NOSTRIN: variants seen among roughly 807,000 people sequenced by gnomAD.
NOSTRIN encodes nitric oxide synthase trafficking.
A neutral mutation model predicts 59.0 loss-of-function variants in NOSTRIN; 63 were observed. The ratio of observed to expected loss-of-function variants is 1.07; its 90% CI spans 0.87 to 1.32. The LOEUF (loss-of-function observed/expected upper bound fraction) is 1.32. NOSTRIN is among the 40% of genes most tolerant of loss of function. The pLI is 0.00. For missense variants in NOSTRIN, 512 were observed against 473.1 expected (o/e 1.08, Z -0.76); for synonymous variants, 200 against 165.4 (o/e 1.21, Z -1.61).
At chr2:168,837,288 C>G (rs956648813) in intron 7 of NOSTRIN, among the ~76,000 whole-genome samples, 3 of 118,290 alleles carry the variant, frequency 2.5e-5, no homozygotes, top group African/African-American at 8.9e-5. Flanking sequence ...TTATAATACA[C>G]TTTTTTAACA....
intron 8 of NOSTRIN, among the ~76,000 whole-genome samples, chr2:168,849,129 C>G (rs1574323049): frequency 1.3e-5 from 2 of 152,246 alleles, no homozygotes; most frequent in East Asian, 3.9e-4. Flanking sequence ...TCTCCATTCT[C>G]ACCTCTCTTG....
chr2:168,817,108 A>G (rs2433679), intron 2 of NOSTRIN, among the ~76,000 whole-genome samples: 11,194 of 152,328 alleles, frequency 0.073, 487 homozygotes, highest in Non-Finnish European at 0.1. Flanking sequence ...CACAACCCAC[A>G]GCGTACATAC....
At chr2:168,804,215 A>G (rs924953346) in intron 1 of NOSTRIN, among the ~76,000 whole-genome samples, 5 of 152,218 alleles carry the variant, frequency 3.3e-5, no homozygotes, top group African/African-American at 1.2e-4. Context: ...AAGGCAACCC[A>G]TAACCACACT....
chr2:168,837,359 G>C (rs1437270654), intron 7 of NOSTRIN, among the ~76,000 whole-genome samples: 4 of 130,180 alleles, frequency 3.1e-5, no homozygotes, highest in African/African-American at 1.2e-4. Context: ...GCCCAGGCTG[G>C]AGTGCAGTGG....
At chr2:168,830,328 C>T (rs542450593) in intron 5 of NOSTRIN, among the ~76,000 whole-genome samples, 16 of 152,248 alleles carry the variant, frequency 1.1e-4, no homozygotes, top group African/African-American at 2.9e-4. Context: ...TTGCCCCTCT[C>T]CACTGCACCC....
At chr2:168,807,415 G>A (rs914271868) in intron 1 of NOSTRIN, among the ~76,000 whole-genome samples, 3 of 152,150 alleles carry the variant, frequency 2.0e-5, no homozygotes, top group Admixed American at 6.5e-5. Context: ...TTCTAAATAA[G>A]GGTTTATGCT....
intron 1 of NOSTRIN, among the ~76,000 whole-genome samples, chr2:168,807,262 A>G (rs1685902368): frequency 6.6e-6 from 1 of 152,066 alleles, no homozygotes; most frequent in South Asian, 2.1e-4. Context: ...ACACACACAC[A>G]CATACATACA....
At chr2:168,799,615 T>C (rs1483772790), upstream of NOSTRIN, among the ~76,000 whole-genome samples, 1 of 152,112 alleles carries the variant, frequency 6.6e-6, no homozygotes, top group African/African-American at 2.4e-5. Context: ...GCAGAGTATG[T>C]GTAGGGTGGA....
intron 10 of NOSTRIN, among the ~76,000 whole-genome samples, chr2:168,853,472 T>G (rs1688891868): frequency 6.6e-6 from 1 of 152,186 alleles, no homozygotes; most frequent in Non-Finnish European, 1.5e-5. Context: ...CTAACAAATC[T>G]TTAGAAGAGA....
At chr2:168,793,790 T>C (rs901244643), upstream of NOSTRIN, among the ~76,000 whole-genome samples, 1 of 152,192 alleles carries the variant, frequency 6.6e-6, no homozygotes, top group African/African-American at 2.4e-5. Flanking sequence ...TAAGGTCCCA[T>C]GCAAACTGTG....
At chr2:168,805,506 A>C (rs1685801627) in intron 1 of NOSTRIN, among the ~76,000 whole-genome samples, 1 of 152,232 alleles carries the variant, frequency 6.6e-6, no homozygotes, top group Non-Finnish European at 1.5e-5. Context: ...CTCTAAGGGA[A>C]AGAATCCAAT....
chr2:168,843,238 G>T, intron 8 of NOSTRIN, 121 bp downstream of exon 8: 1 of 609,710 alleles, frequency 1.6e-6, no homozygotes, highest in Admixed American at 3.1e-5. Flanking sequence ...CACACATATT[G>T]TGACTTCAGA....
intron 6 of NOSTRIN, among the ~76,000 whole-genome samples, chr2:168,832,271 A>G (rs1342812614): frequency 6.6e-6 from 1 of 152,228 alleles, no homozygotes; most frequent in Non-Finnish European, 1.5e-5. Flanking sequence ...AAGCTAGAGC[A>G]TATCTGTATG....
intron 2 of NOSTRIN, among the ~76,000 whole-genome samples, chr2:168,818,937 C>A (rs982337164): frequency 6.6e-6 from 1 of 151,998 alleles, no homozygotes; most frequent in African/African-American, 2.4e-5. Context: ...ATTCTGAGAT[C>A]GGGTTGCCTA....
At chr2:168,814,788 G>C (rs942723314) in intron 2 of NOSTRIN, among the ~76,000 whole-genome samples, 1 of 152,170 alleles carries the variant, frequency 6.6e-6, no homozygotes, top group Non-Finnish European at 1.5e-5. Context: ...TAAATGGGCT[G>C]GGTGCAGTGG....
intron 2 of NOSTRIN, among the ~76,000 whole-genome samples, chr2:168,819,861 T>A (rs766966628): frequency 6.6e-6 from 1 of 152,158 alleles, no homozygotes; most frequent in Non-Finnish European, 1.5e-5. Context: ...ACATTTGCTG[T>A]CAGAGTCCCC....
At chr2:168,835,591 T>G (rs750104420) in intron 7 of NOSTRIN, among the ~76,000 whole-genome samples, 4 of 152,220 alleles carry the variant, frequency 2.6e-5, no homozygotes, top group Non-Finnish European at 4.4e-5. Context: ...TTGTGCATTT[T>G]GTGTATGTTA....
intron 7 of NOSTRIN, among the ~76,000 whole-genome samples, 165 bp downstream of exon 7, chr2:168,834,490 TGCGCGCGCGC>T (rs145224351): frequency 3.4e-5 from 3 of 87,558 alleles, no homozygotes; most frequent in Non-Finnish European, 4.4e-5. Context: ...ATTACTGGCG[TGCGCGCGCGC>T]GCGCGCGCAC....
chr2:168,837,300 CTTTTTTTTT>C (rs761309524), intron 7 of NOSTRIN, among the ~76,000 whole-genome samples: 3 of 62,160 alleles, frequency 4.8e-5, no homozygotes, highest in Admixed American at 2.0e-4. Context: ...TTTTTAACAT[CTTTTTTTTT>C]TTTTTTTTTT....
Sources: allele counts gnomAD v4.1 joint callset (sites outside exome capture counted in the v4.1 genomes callset), GRCh38; gene constraint gnomAD v4.1.1; transcripts MANE v1.5; gene names NCBI Gene and HGNC (gene_info 2026-07-23, HGNC 2026-07-21).